PGPEP1L: variants seen among roughly 807,000 people sequenced by gnomAD.
PGPEP1L encodes the protein pyroglutamyl-peptidase 1-like protein.
Under a neutral mutation model 6.0 loss-of-function variants are expected in PGPEP1L, and 7 were observed. The observed-to-expected ratio is 1.17, with a 90% confidence interval of 0.66 to 2.19. The LOEUF is 2.19. PGPEP1L is among the 30% of genes most tolerant of loss of function. The pLI is 0.00. For missense variants in PGPEP1L, 209 were observed against 192.5 expected, an observed-to-expected ratio of 1.09 and a Z score of -0.51; for synonymous variants, 103 against 83.9, an observed-to-expected ratio of 1.23 and a Z score of -1.24.
In PGPEP1L at chr15:98,985,636, G is replaced by A. The variant is rs910479544; in HGVS notation, c.-141-14478C>T. Among the ~76,000 whole-genome samples the A allele has an allele frequency of 7.9e-5, 12 of 152,326 alleles. No homozygotes were observed. The South Asian group carries it at 8.3e-4, about 11-fold the overall frequency. ...TGTTTCCTGACCCCAGGAGAAGAGC[G>A]CAAGTGGGCTGAACCTGGCCTTCCC... On this transcript the variant is annotated intron_variant, in intron 2 of 4. Coordinates refer to ENST00000535714, the MANE Select transcript of PGPEP1L (RefSeq NM_001167902.2).
chr15:98,974,970 A>G (rs2017548036), intron 2 of PGPEP1L, among the ~76,000 whole-genome samples: 3 of 152,248 alleles, frequency 2.0e-5, no homozygotes, highest in South Asian at 4.1e-4. Flanking sequence ...ACTGCTGGGT[A>G]TATATCAAAA....
intron 2 of PGPEP1L, among the ~76,000 whole-genome samples, chr15:98,978,726 A>ATATTT (rs1446348988): frequency 1.1e-4 from 9 of 85,260 alleles, no homozygotes; most frequent in Non-Finnish European, 1.5e-4. Flanking sequence ...ATATATATAT[A>ATATTT]TTTTTTTTTT....
At chr15:99,007,132 C>T (rs2018083771) in intron 1 of PGPEP1L, among the ~76,000 whole-genome samples, 1 of 152,240 alleles carries the variant, frequency 6.6e-6, no homozygotes, top group Non-Finnish European at 1.5e-5. Flanking sequence ...GTGTGGGCTG[C>T]AGGCCTCTTC....
In PGPEP1L at chr15:99,007,120, T is replaced by C. The variant is rs567643902; in HGVS notation, c.-370+239A>G. 7.2e-5 allele frequency among the ~76,000 whole-genome samples: 11 copies of C among 152,362 alleles called. No homozygotes were observed. In the East Asian group the frequency reaches 1.7e-3, roughly 24 times the overall value. Reference sequence around the variant, plus strand: ...GGAACAATTCCCTTTAATTAGCTCCTGGTGTGGGCTGCAGGCCTCTTCACT... The same window carrying C: ...GGAACAATTCCCTTTAATTAGCTCCCGGTGTGGGCTGCAGGCCTCTTCACT... On this transcript the variant is annotated intron_variant, in intron 1 of 4. Coordinates refer to ENST00000535714, the MANE Select transcript of PGPEP1L (RefSeq NM_001167902.2).
intron 2 of PGPEP1L, chr15:98,998,257 A>G (rs1411008528): frequency 6.6e-6 from 1 of 152,518 alleles, no homozygotes; most frequent in Non-Finnish European, 1.5e-5. Context: ...CCACCCCATA[A>G]GACTCTGTTC....
intron 2 of PGPEP1L, among the ~76,000 whole-genome samples, chr15:98,976,495 A>T (rs1226613194): frequency 6.6e-6 from 1 of 152,246 alleles, no homozygotes; most frequent in Non-Finnish European, 1.5e-5. Context: ...TAAAATCTGA[A>T]GCCTAACAGT....
chr15:98,978,511 G>A (rs2017601941), intron 2 of PGPEP1L, among the ~76,000 whole-genome samples: 1 of 152,076 alleles, frequency 6.6e-6, no homozygotes, highest in South Asian at 2.1e-4. Flanking sequence ...TGGATGTGAG[G>A]ATGGAGATGA....
At chr15:98,994,762 T>C (rs2017865248) in intron 2 of PGPEP1L, among the ~76,000 whole-genome samples, 1 of 152,232 alleles carries the variant, frequency 6.6e-6, no homozygotes, top group Non-Finnish European at 1.5e-5. Flanking sequence ...TGTCTTTTGA[T>C]AGTAAACTCT....
intron 2 of PGPEP1L, among the ~76,000 whole-genome samples, chr15:98,991,730 G>A (rs1323507164): frequency 6.6e-6 from 1 of 152,178 alleles, no homozygotes; most frequent in Non-Finnish European, 1.5e-5. Flanking sequence ...ACTGAATCCA[G>A]CAGCACATCA....
chr15:98,968,299 C>T lies in PGPEP1L; in HGVS notation c.*179G>A. 8 of 636,540 alleles carry T rather than the reference C, an allele frequency of 1.3e-5. No homozygotes were observed. In the South Asian group the frequency reaches 1.4e-4, roughly 11 times the overall value. 39.4% of individuals were successfully genotyped at this position (636,540 alleles called of 1,614,324 possible). A position where few individuals can be genotyped will look rare whatever the true frequency, so the allele number is the denominator to read the frequency against. On this transcript the variant is annotated 3_prime_UTR_variant, in exon 5 of 5. Coordinates refer to ENST00000535714, the MANE Select transcript of PGPEP1L (RefSeq NM_001167902.2). ...AGTTCATCCCCTGTGAAATGTCCAC[C>T]TTTCAGAGTGTTCTTTCTCCTGACA... is the stretch of plus-strand genomic sequence containing the variant.
intron 2 of PGPEP1L, among the ~76,000 whole-genome samples, chr15:98,994,422 G>C (rs1401590041): frequency 6.6e-6 from 1 of 152,112 alleles, no homozygotes; most frequent in African/African-American, 2.4e-5. Flanking sequence ...GGGAGGCTGA[G>C]GTGGGTGGAT....
intron 2 of PGPEP1L, among the ~76,000 whole-genome samples, chr15:98,994,480 C>G (rs868964393): frequency 4.7e-4 from 72 of 151,916 alleles, no homozygotes; most frequent in African/African-American, 1.7e-3. Flanking sequence ...ATGGCAAAAC[C>G]TTGCCTCTAA....
intron 2 of PGPEP1L, among the ~76,000 whole-genome samples, chr15:98,985,272 CTCACACCTGTAA>C (rs1367270936): frequency 6.6e-6 from 1 of 152,218 alleles, no homozygotes; most frequent in African/African-American, 2.4e-5. Flanking sequence ...GGCACAGTGG[CTCACACCTGTAA>C]TCCTAGCACT....
intron 2 of PGPEP1L, among the ~76,000 whole-genome samples, chr15:98,985,156 G>A (rs1224444652): frequency 6.6e-6 from 1 of 152,150 alleles, no homozygotes; most frequent in Non-Finnish European, 1.5e-5. Flanking sequence ...ATGAAGAGAT[G>A]GATATAGGGC....
chr15:99,006,652 G>C (rs1555473680), intron 1 of PGPEP1L, among the ~76,000 whole-genome samples: 1 of 152,190 alleles, frequency 6.6e-6, no homozygotes, highest in African/African-American at 2.4e-5. Context: ...AACGTGGCAA[G>C]ACTGCATCAA....
chr15:98,968,486 C>G lies in PGPEP1L; in HGVS notation c.421G>C (p.Gly141Arg). 2 of 1,613,134 alleles carry G rather than the reference C, an allele frequency of 1.2e-6. No homozygotes were observed. Among genetic ancestry groups the G allele is most frequent in the Non-Finnish European group, 1.7e-6 (2 of 1,179,560 alleles). Residue 141 changes from glycine to arginine, a missense_variant, in exon 5 of 5, where the codon GGG (glycine) becomes CGG (arginine). Physicochemically the swap from Gly to Arg is moderately radical, Grantham distance 125. Transcript: ENST00000535714. ...GAGGAGCAATCCCCCGGTCAGTTCC[C>G]TTTGGCTGGAAGGACCATGGTTGAG... ...ENSTMVLPAK[G>R]N is the part of the protein sequence containing the mutation.
intron 2 of PGPEP1L, among the ~76,000 whole-genome samples, chr15:98,973,062 C>T (rs1246428621): frequency 1.3e-5 from 2 of 151,926 alleles, no homozygotes; most frequent in Admixed American, 1.3e-4. Context: ...AGTAGCTATA[C>T]TTATATCAGA....
At chr15:98,995,804 T>C (rs186246892) in intron 2 of PGPEP1L, among the ~76,000 whole-genome samples, 2 of 152,340 alleles carry the variant, frequency 1.3e-5, no homozygotes, top group Admixed American at 1.3e-4. Context: ...ATTCATTAAT[T>C]GTCACTCCCC....
intron 2 of PGPEP1L, among the ~76,000 whole-genome samples, chr15:99,002,688 G>C (rs1351959434): frequency 6.6e-6 from 1 of 152,194 alleles, no homozygotes; most frequent in Non-Finnish European, 1.5e-5. Context: ...CCTCCTGTGT[G>C]GGAGACTAGC....
Sources: allele counts gnomAD v4.1 joint callset (sites outside exome capture counted in the v4.1 genomes callset), GRCh38; gene constraint gnomAD v4.1.1; transcripts MANE v1.5; gene names NCBI Gene and HGNC (gene_info 2026-07-23, HGNC 2026-07-21).